The following OOSP1 variants were observed in gnomAD, a reference collection of about 807,000 sequenced individuals.
The protein encoded by OOSP1 is putative oocyte-secreted protein 1 homolog.
Under a neutral mutation model 5.7 loss-of-function variants are expected in OOSP1, and 11 were observed. The observed-to-expected ratio is 1.94, with a 90% CI of 1.22 to 3.20. OOSP1 has a LOEUF of 3.20. OOSP1 is among the 30% of genes most tolerant of loss of function. The pLI is 0.00. For missense variants in OOSP1, 83 were observed against 54.1 expected (o/e 1.53, Z -1.67); for synonymous variants, 44 against 20.0 (o/e 2.20, Z -3.20).
intron 1 of OOSP1, among the ~76,000 whole-genome samples, chr11:59,939,838 T>G (rs1481875136): frequency 6.6e-6 from 1 of 152,000 alleles, no homozygotes; most frequent in Non-Finnish European, 1.5e-5. Flanking sequence ...TCTTTTGTTT[T>G]CTTTCTTTCT....
intron 4 of OOSP1, 101 bp downstream of exon 4, chr11:59,947,963 G>C: frequency 2.5e-6 from 1 of 395,906 alleles, no homozygotes; most frequent in Non-Finnish European, 4.5e-6. Context: ...TTTGTGTTAA[G>C]GTGCATTGTG....
chr11:59,951,661 G>C (rs1853940538), intron 4 of OOSP1, among the ~76,000 whole-genome samples: 1 of 149,886 alleles, frequency 6.7e-6, no homozygotes, highest in Non-Finnish European at 1.5e-5. Context: ...TGCTCAAAGA[G>C]ATGGTTTTTG....
chr11:59,947,243 T>C (rs1392672517), intron 3 of OOSP1, among the ~76,000 whole-genome samples: 4 of 152,164 alleles, frequency 2.6e-5, no homozygotes, highest in East Asian at 1.9e-4. Context: ...CTTGTATGAA[T>C]GTATTTTTTC....
In OOSP1 at chr11:59,945,472, T is replaced by C. The variant is rs1038892326; in HGVS notation, c.356+206T>C. 2.0e-5 allele frequency: 12 copies of C among 609,202 alleles called. No homozygotes were observed. In the Admixed American group the frequency reaches 2.6e-4, roughly 13 times the overall value. 37.7% of individuals were successfully genotyped at this position (609,202 alleles called of 1,614,324 possible). A position where few individuals can be genotyped will look rare whatever the true frequency, so the allele number is the denominator to read the frequency against. On this transcript the variant is annotated intron_variant, in intron 3 of 4. Coordinates refer to ENST00000646685, the Ensembl canonical transcript of OOSP1. ...AAAGAGAAATGCTGGCTGGGCACGGTGGCTCACACCTGTAATCCCAGCACT... is the reference window on the plus strand; with the variant it reads ...AAAGAGAAATGCTGGCTGGGCACGGCGGCTCACACCTGTAATCCCAGCACT...
intron 4 of OOSP1, among the ~76,000 whole-genome samples, chr11:59,951,449 C>T (rs1853938798): frequency 6.6e-6 from 1 of 152,060 alleles, no homozygotes; most frequent in Admixed American, 6.6e-5. Flanking sequence ...TGTGCATATA[C>T]AGCGCCTGAA....
At chr11:59,955,994 T>G (rs1472529453) in intron 4 of OOSP1, among the ~76,000 whole-genome samples, 1 of 152,098 alleles carries the variant, frequency 6.6e-6, no homozygotes, top group Non-Finnish European at 1.5e-5. Flanking sequence ...ACAAAGTACG[T>G]GGAGCTGTGC....
chr11:59,938,481 G>T (rs200078809), exon 1 of OOSP1: 2 of 627,758 alleles, frequency 3.2e-6, no homozygotes, highest in African/African-American at 1.8e-5. Flanking sequence ...GGTTCAAAGG[G>T]CTCTTTTATC....
intron 1 of OOSP1, among the ~76,000 whole-genome samples, chr11:59,939,699 T>G (rs1239945623): frequency 6.6e-6 from 1 of 151,726 alleles, no homozygotes; most frequent in African/African-American, 2.4e-5. Context: ...CCTCGTCCCT[T>G]GCTCTTCCCT....
At chr11:59,955,305 A>C (rs1590894956) in intron 4 of OOSP1, among the ~76,000 whole-genome samples, 1 of 152,098 alleles carries the variant, frequency 6.6e-6, no homozygotes. Context: ...TGACTTCTTA[A>C]GGGCCAATAT....
intron 4 of OOSP1, among the ~76,000 whole-genome samples, chr11:59,950,665 G>A (rs4939298): frequency 0.2 from 29,985 of 152,136 alleles, 3,945 homozygotes; most frequent in Admixed American, 0.38. Flanking sequence ...AGCAATGTGA[G>A]GGGCATTGAT....
chr11:59,951,315 C>G (rs1189387959), intron 4 of OOSP1, among the ~76,000 whole-genome samples: 2 of 151,814 alleles, frequency 1.3e-5, no homozygotes, highest in East Asian at 3.9e-4. Flanking sequence ...GAAAAAGAGA[C>G]AGATCGCTGA....
chr11:59,950,228 G>A (rs539597574), intron 4 of OOSP1, among the ~76,000 whole-genome samples: 4 of 152,230 alleles, frequency 2.6e-5, no homozygotes, highest in South Asian at 4.2e-4. Context: ...ATGTTGGTTC[G>A]GAAACCTTAT....
At chr11:59,940,670 T>C (rs1276287043) in intron 1 of OOSP1, among the ~76,000 whole-genome samples, 2 of 152,196 alleles carry the variant, frequency 1.3e-5, no homozygotes, top group Non-Finnish European at 2.9e-5. Flanking sequence ...TGTATTTGAG[T>C]GGTTTCTTTT....
chr11:59,939,752 C>G (rs751946875), intron 1 of OOSP1, among the ~76,000 whole-genome samples: 2 of 147,900 alleles, frequency 1.4e-5, no homozygotes, highest in Non-Finnish European at 3.0e-5. Flanking sequence ...TTCTTTTTCT[C>G]TTCTTTCCCC....
intron 4 of OOSP1, among the ~76,000 whole-genome samples, chr11:59,956,036 T>G (rs17154310): frequency 0.01 from 1,589 of 152,258 alleles, 44 homozygotes; most frequent in Admixed American, 0.072. Flanking sequence ...ACTCAAAGAA[T>G]GACATGTGAT....
At chr11:59,943,495 A>T (rs1853852174) in intron 2 of OOSP1, among the ~76,000 whole-genome samples, 1 of 152,244 alleles carries the variant, frequency 6.6e-6, no homozygotes, top group Admixed American at 6.5e-5. Context: ...TTAAGAAAGG[A>T]GATGCTAAAT....
intron 4 of OOSP1, among the ~76,000 whole-genome samples, chr11:59,951,680 C>T (rs1256679711): frequency 6.8e-6 from 1 of 147,668 alleles, no homozygotes; most frequent in African/African-American, 2.5e-5. Context: ...TGTTGACAGG[C>T]TCAATGTGCG....
intron 1 of OOSP1, among the ~76,000 whole-genome samples, chr11:59,940,413 C>A (rs1853812918): frequency 6.6e-6 from 1 of 152,174 alleles, no homozygotes; most frequent in African/African-American, 2.4e-5. Flanking sequence ...GGTAATTATT[C>A]ATTTTCCTGT....
intron 1 of OOSP1, among the ~76,000 whole-genome samples, chr11:59,939,693 G>A (rs534024038): frequency 6.2e-5 from 8 of 129,470 alleles, no homozygotes; most frequent in African/African-American, 1.5e-4. Context: ...CCTCTTCCTC[G>A]TCCCTTGCTC....
Sources: gnomAD v4.1 joint callset for allele counts (sites outside exome capture counted in the v4.1 genomes callset) on GRCh38, gnomAD v4.1.1 for gene constraint, MANE v1.5 for transcripts, NCBI Gene and HGNC (gene_info 2026-07-23, HGNC 2026-07-21) for gene names.